The following PLG variants were observed in gnomAD, a reference collection of about 807,000 sequenced individuals.
The protein encoded by PLG is plasminogen, also known as plasmin.
A neutral mutation model predicts 104.4 loss-of-function variants in PLG; 41 were observed. The observed-to-expected ratio is 0.39, with a 90% confidence interval of 0.31 to 0.51. The LOEUF is 0.51. Among genes scored for constraint, PLG ranks in the 20% least tolerant of loss-of-function variants. The pLI is 0.76. For missense variants in PLG, 891 were observed against 1,003.6 expected (o/e 0.89, Z 1.52); for synonymous variants, 337 against 357.1 (o/e 0.94, Z 0.63).
chr6:160,716,752 T>C lies in PLG; in HGVS notation c.776T>C (p.Ile259Thr). ...DPNKRWELCD[I>T]PRCTTPPPSS... ...AACAAGCGCTGGGAACTTTGTGACATCCCCCGCTGCAGTGAGTATGATGCA... is the reference window on the plus strand; with the variant it reads ...AACAAGCGCTGGGAACTTTGTGACACCCCCCGCTGCAGTGAGTATGATGCA... Residue 259 changes from isoleucine to threonine, a missense_variant, in exon 7 of 19, where the codon ATC (isoleucine) becomes ACC (threonine). Physicochemically the swap from Ile to Thr is moderately conservative, Grantham distance 89. This residue lies in a region of PLG where 854 missense variants were observed against 932.1 expected (regional missense o/e 0.92). Transcript: ENST00000308192. The C allele has an allele frequency of 1.3e-6, 2 of 1,587,798 alleles. No homozygotes were observed. Among genetic ancestry groups the C allele is most frequent in the Non-Finnish European group, 1.7e-6 (2 of 1,156,034 alleles).
chr6:160,740,571 A>G lies in PLG; in HGVS notation c.2019-740A>G, dbSNP rs1363220210. Among the ~76,000 whole-genome samples the G allele has an allele frequency of 1.3e-5, 2 of 152,180 alleles. No homozygotes were observed. The highest frequency in any genetic ancestry group is 2.1e-4 in the South Asian group (1 of 4,824). ...GCCTTCTGATGATGCTCAGAAGCAGAAAGTGTGCCTGCTTCAAAGTTGGTG... is the reference window on the plus strand; with the variant it reads ...GCCTTCTGATGATGCTCAGAAGCAGGAAGTGTGCCTGCTTCAAAGTTGGTG... On this transcript the variant is annotated intron_variant, in intron 16 of 18. Transcript: ENST00000308192. The surrounding 1 kb of genome is among the most constrained non-coding windows in gnomAD (Gnocchi z 5.2).
chr6:160,744,031 C>A lies in PLG; in HGVS notation c.2125+2614C>A, dbSNP rs1426006225. 6.6e-6 allele frequency among the ~76,000 whole-genome samples: 1 copy of A among 152,110 alleles called. No homozygotes were observed. Among genetic ancestry groups the A allele is most frequent in the Admixed American group, 6.5e-5 (1 of 15,280 alleles). On this transcript the variant is annotated intron_variant, in intron 17 of 18. Coordinates refer to ENST00000308192, the MANE Select transcript of PLG (RefSeq NM_000301.5). The surrounding 1 kb of genome is among the most constrained non-coding windows in gnomAD (Gnocchi z 4.5). ...AGCCTACTTGATCACGATGGATTGG[C>A]TTTTTTATGTGCTGCTGGATTTGGT... is the stretch of plus-strand genomic sequence containing the variant.
rs1489809035 is a variant in PLG at position 160,716,647 on chromosome 6, T to A, written c.671T>A (p.Phe224Tyr). Residue 224 changes from phenylalanine (F) to tyrosine (Y), a missense_variant and splice_region_variant, in exon 7 of 19, where the codon TTT (phenylalanine) becomes TAT (tyrosine). Around this residue, in one of 2 missense-constraint regions of PLG, gnomAD observed 854 missense variants for 932.1 expected, o/e 0.92. Transcript: ENST00000308192. ...PHAHGYIPSKFPNKNLKKNYC... is the reference protein window; with the variant it reads ...PHAHGYIPSKYPNKNLKKNYC... ...TAAAATCTTTCTTGTCCATTCAGAT[T>A]TCCAAACAAGAACCTGAAGAAGAAT... 1 of 1,578,914 alleles carries A rather than the reference T, an allele frequency of 6.3e-7. No individual in the cohort carries two copies. The highest frequency in any genetic ancestry group is 1.7e-5 in the Admixed American group (1 of 59,976).
chr6:160,716,556 C>T (rs1031631314), intron 6 of PLG, 89 bp from the exon 7 acceptor site: 19 of 832,320 alleles, frequency 2.3e-5, no homozygotes, highest in South Asian at 1.5e-4. Context: ...GCCTAGCACA[C>T]AGCAGGTGCT....
At position 160,737,489 on chromosome 6, in the gene PLG, A is replaced by G. The variant is rs1257809168; in HGVS notation, c.1802+482A>G. On this transcript the variant is annotated intron_variant, in intron 14 of 18. Transcript: ENST00000308192. The surrounding 1 kb of genome is among the most constrained non-coding windows in gnomAD (Gnocchi z 4.7). Reference sequence around the variant, plus strand: ...ATTGAATTCAATGCAGAGGCTACTCATCCATTCGCAAACAAAAAAATTCTA... The same window carrying G: ...ATTGAATTCAATGCAGAGGCTACTCGTCCATTCGCAAACAAAAAAATTCTA... Among the ~76,000 whole-genome samples, 1 of 152,230 alleles carries G rather than the reference A, an allele frequency of 6.6e-6. No homozygotes were observed.
At position 160,723,465 on chromosome 6, in the gene PLG, G is replaced by A. The variant is rs777096877; in HGVS notation, c.1256+898G>A. On this transcript the variant is annotated intron_variant, in intron 10 of 18. Coordinates refer to ENST00000308192, the MANE Select transcript of PLG (RefSeq NM_000301.5). The surrounding 1 kb of genome is among the most constrained non-coding windows in gnomAD (Gnocchi z 4.7). ...TCAACCCAATAACTACCTTGGCTTT[G>A]TTCCTGGAGACTTCCTGGGCTGAAG... 2.0e-5 allele frequency among the ~76,000 whole-genome samples: 3 copies of A among 152,184 alleles called. No homozygotes were observed. Among genetic ancestry groups the A allele is most frequent in the Non-Finnish European group, 4.4e-5 (3 of 68,026 alleles).
intron 17 of PLG, among the ~76,000 whole-genome samples, chr6:160,746,842 T>C (rs1016672957): frequency 3.9e-5 from 6 of 152,206 alleles, no homozygotes; most frequent in Non-Finnish European, 7.3e-5. Flanking sequence ...GGTTTCATAG[T>C]GTGGTATGTT....
chr6:160,720,230 A>G (rs1416039920), intron 9 of PLG, among the ~76,000 whole-genome samples: 1 of 151,938 alleles, frequency 6.6e-6, no homozygotes, highest in East Asian at 1.9e-4. Context: ...CTTTGTTCCT[A>G]TGTTTTCAAT....
rs1562379753 is a variant in PLG at position 160,736,008 on chromosome 6, G to A, written c.1682-879G>A. Among the ~76,000 whole-genome samples the A allele has an allele frequency of 6.6e-6, 1 of 152,188 alleles. No homozygotes were observed. The highest frequency in any genetic ancestry group is 1.5e-5 in the Non-Finnish European group (1 of 68,030). ...GAGCATAGAATCTCTGGTTGGTTGG[G>A]AAGGAATTTCCTCTTACAGTTGTTA... On this transcript the variant is annotated intron_variant, in intron 13 of 18. Transcript: ENST00000308192. This position sits in a 1 kb window ranked among gnomAD's most constrained non-coding sequence, Gnocchi z 5.2.
intron 7 of PLG, among the ~76,000 whole-genome samples, chr6:160,717,774 T>G (rs192032948): frequency 6.6e-6 from 1 of 152,314 alleles, no homozygotes; most frequent in Admixed American, 6.5e-5. Flanking sequence ...AGGGTCTTTC[T>G]CTGAAGGAGT....
intron 17 of PLG, among the ~76,000 whole-genome samples, chr6:160,748,865 ACAATAGTCTTC>A: frequency 6.6e-6 from 1 of 152,150 alleles, no homozygotes; most frequent in Non-Finnish European, 1.5e-5. Flanking sequence ...CATTACACAA[ACAATAGTCTTC>A]CAGCTCTGAG....
At chr6:160,730,734 C>A in intron 10 of PLG, 1 of 293,750 alleles carries the variant, frequency 3.4e-6, no homozygotes, top group Non-Finnish European at 6.6e-6. Context: ...CCTGTTATTC[C>A]TGAGAAATGT....
At chr6:160,709,055 G>A (rs865900068) in intron 3 of PLG, among the ~76,000 whole-genome samples, 19 of 151,964 alleles carry the variant, frequency 1.3e-4, no homozygotes, top group Non-Finnish European at 1.9e-4. Flanking sequence ...TAACCAGAAG[G>A]AACATGGGAA....
chr6:160,705,994 T>A (rs540470246), intron 1 of PLG: 2 of 220,448 alleles, frequency 9.1e-6, no homozygotes, highest in South Asian at 7.3e-5. Context: ...AATCTGCTAA[T>A]GAAACTGTTT....
rs1284861389 is a variant in PLG, at chr6:160,734,188, T to C, written c.1681+100T>C. The C allele has an allele frequency of 2.9e-6, 2 of 696,528 alleles. No individual in the cohort carries two copies. Among genetic ancestry groups the C allele is most frequent in the East Asian group, 3.0e-5 (1 of 33,722 alleles). The allele number at this position is 696,528 out of a possible 1,614,324, so 43.1% of individuals were successfully genotyped here. A position where few individuals can be genotyped will look rare whatever the true frequency, so the allele number is the denominator to read the frequency against. On this transcript the variant is annotated intron_variant, in intron 13 of 18. Coordinates refer to ENST00000308192, the MANE Select transcript of PLG (RefSeq NM_000301.5). The surrounding 1 kb of genome is among the most constrained non-coding windows in gnomAD (Gnocchi z 4.4). ...GAGCAGACTGCTTCTGGGGAGGAGA[T>C]AGCTGCCCTCTCCATCAGACCCCAC...
At chr6:160,703,309 A>G (rs114338809) in intron 1 of PLG, among the ~76,000 whole-genome samples, 2,665 of 152,192 alleles carry the variant, frequency 0.018, 80 homozygotes, top group Middle Eastern at 0.16. Flanking sequence ...TAACATATAG[A>G]ATTCACCCAT....
chr6:160,730,049 A>G (rs1422323883), intron 10 of PLG, among the ~76,000 whole-genome samples: 1 of 152,168 alleles, frequency 6.6e-6, no homozygotes, highest in Non-Finnish European at 1.5e-5. Context: ...ATGGTACATA[A>G]TACATTTCCC....
At chr6:160,707,878 T>C in intron 3 of PLG, 72 bp downstream of exon 3, 1 of 1,102,536 alleles carries the variant, frequency 9.1e-7, no homozygotes, top group African/African-American at 1.5e-5. Flanking sequence ...CTCTATTCTA[T>C]CTTTAATTTA....
intron 4 of PLG, chr6:160,711,609 G>A (rs1356702886): frequency 7.5e-6 from 12 of 1,610,128 alleles, no homozygotes; most frequent in Non-Finnish European, 9.3e-6. Flanking sequence ...TGATGTCGAT[G>A]TTCAACTATT....
Sources: gnomAD v4.1 joint callset for allele counts (sites outside exome capture counted in the v4.1 genomes callset) on GRCh38, gnomAD v4.1.1 for gene constraint, gnomAD v4.1.1 regional missense constraint, Gnocchi (gnomAD v3.1) non-coding constraint, MANE v1.5 for transcripts, NCBI Gene and HGNC (gene_info 2026-07-23, HGNC 2026-07-21) for gene names.